The following AAK1 variants were observed in gnomAD, a reference collection of about 807,000 sequenced individuals.
AAK1 encodes the protein AP2 associated kinase 1.
In AAK1, 37 loss-of-function variants were observed where a neutral mutation model predicts 116.0. The ratio of observed to expected loss-of-function variants is 0.32; its 90% CI spans 0.25 to 0.42. The LOEUF is 0.42. Among genes scored for constraint, AAK1 ranks in the 10% least tolerant of loss-of-function variants. AAK1 has a pLI of 1.00. For synonymous variants in AAK1, 458 were observed against 439.9 expected (o/e 1.04, Z -0.51); for missense variants, 919 against 1,170.6 (o/e 0.79, Z 3.14).
At chr2:69,635,730 C>T (rs893353362) in intron 2 of AAK1, among the ~76,000 whole-genome samples, 1 of 152,074 alleles carries the variant, frequency 6.6e-6, no homozygotes, top group Admixed American at 6.5e-5. Context: ...AGGTATTCAA[C>T]GTAGTAAAAA....
At chr2:69,621,895 T>C (rs1256529344) in intron 2 of AAK1, among the ~76,000 whole-genome samples, 1 of 152,222 alleles carries the variant, frequency 6.6e-6, no homozygotes, top group East Asian at 1.9e-4. Context: ...CAAGGCCTGA[T>C]GTTACTGAGA....
intron 2 of AAK1, among the ~76,000 whole-genome samples, chr2:69,576,612 T>G (rs766890877): frequency 1.3e-5 from 2 of 152,222 alleles, no homozygotes; most frequent in African/African-American, 2.4e-5. Context: ...TTTCTGTTCC[T>G]GCATTAGTTT....
chr2:69,590,148 C>T (rs1672967044), intron 2 of AAK1, among the ~76,000 whole-genome samples: 1 of 152,186 alleles, frequency 6.6e-6, no homozygotes, highest in Non-Finnish European at 1.5e-5. Context: ...CATCCTCTTC[C>T]TCCAGCAGAA....
chr2:69,542,284 A>G (rs1670755096), intron 5 of AAK1, among the ~76,000 whole-genome samples: 1 of 152,344 alleles, frequency 6.6e-6, no homozygotes, highest in African/African-American at 2.4e-5. Flanking sequence ...AAAAACAAAA[A>G]CAACACAGGC....
At position 69,469,092 on chromosome 2, in the gene AAK1, GA is replaced by G; in HGVS notation, c.*6776del. 1.0e-6 allele frequency: 1 copy of G among 985,448 alleles called. No individual in the cohort carries two copies. The highest frequency in any genetic ancestry group is 4.7e-5 in the South Asian group (1 of 21,288). 61.0% of individuals were successfully genotyped at this position (985,448 alleles called of 1,614,324 possible). A position where few individuals can be genotyped will look rare whatever the true frequency, so the allele number is the denominator to read the frequency against. On this transcript the variant is annotated 3_prime_UTR_variant, in exon 22 of 22. Transcript: ENST00000409085. The stretch of plus-strand genomic sequence containing the variant: ...CTTTCAGCATCAACAGGCTTTGTAG[GA>G]ATGGAAAAGTACATTTAAAGGGTTG...
chr2:69,575,373 C>A (rs892747459), intron 2 of AAK1, among the ~76,000 whole-genome samples: 2 of 151,098 alleles, frequency 1.3e-5, no homozygotes, highest in African/African-American at 4.9e-5. Context: ...TAGAAAGGTG[C>A]CAAAAAATCT....
intron 13 of AAK1, among the ~76,000 whole-genome samples, chr2:69,512,488 T>C (rs1676429363): frequency 6.6e-6 from 1 of 152,204 alleles, no homozygotes; most frequent in South Asian, 2.1e-4. Flanking sequence ...GCTTCCAAAT[T>C]CTCTGGGCTA....
intron 17 of AAK1, among the ~76,000 whole-genome samples, chr2:69,493,153 C>A (rs1279561614): frequency 1.9e-4 from 6 of 31,728 alleles, no homozygotes; most frequent in African/African-American, 8.8e-4. Context: ...AGCGAGACTC[C>A]GTCTCAAAAA....
Position 69,514,678 on chromosome 2 carries a change from A to G in AAK1, c.1569T>C (p.Ser523=). The G allele has an allele frequency of 1.2e-6, 2 of 1,613,586 alleles. No homozygotes were observed. The highest frequency in any genetic ancestry group is 4.5e-5 in the East Asian group (2 of 44,892). ...AQFPVVSQGG[S]QQQLMQNFYQ... is the part of the protein sequence containing the mutation. ...AGAAATTCTGCATTAGCTGCTGTTG[A>G]GAGCCTCCTTGGGACACCACAGGGA... Residue 523 remains serine (S), a synonymous_variant, in exon 13 of 22, where the codon TCT becomes TCC. Transcript: ENST00000409085.
chr2:69,524,734 T>A (rs1476139357), intron 10 of AAK1, among the ~76,000 whole-genome samples: 1 of 152,136 alleles, frequency 6.6e-6, no homozygotes, highest in Non-Finnish European at 1.5e-5. Context: ...CGCCTGGCCG[T>A]ACTAGCAATA....
In AAK1 at chr2:69,579,698, G is replaced by A. The variant is rs545180599; in HGVS notation, c.164-22720C>T. ...CCACTTCTTGATCTCCTTTAGAGTT[G>A]TTCGTCTTCCTCCTGTTCCTTAATT... On this transcript the variant is annotated intron_variant, in intron 2 of 21. Coordinates refer to ENST00000409085, the MANE Select transcript of AAK1 (RefSeq NM_014911.5). Among the ~76,000 whole-genome samples the A allele has an allele frequency of 1.2e-4, 19 of 152,284 alleles. No individual in the cohort carries two copies. In the South Asian group the frequency reaches 3.9e-3, roughly 32 times the overall value.
Position 69,475,513 on chromosome 2 carries a change from G to T in AAK1, c.*356C>A. 9.7e-7 allele frequency: 1 copy of T among 1,035,462 alleles called. No individual in the cohort carries two copies. Among genetic ancestry groups the T allele is most frequent in the Middle Eastern group, 4.7e-4 (1 of 2,114 alleles). 64.1% of individuals were successfully genotyped at this position (1,035,462 alleles called of 1,614,324 possible). A position where few individuals can be genotyped will look rare whatever the true frequency, so the allele number is the denominator to read the frequency against. Reference sequence around the variant, plus strand: ...CTGGGAGGCCATTCCTAGCAAGAACGAGACAAAAGTGTCAATTCACTAGTT... The same window carrying T: ...CTGGGAGGCCATTCCTAGCAAGAACTAGACAAAAGTGTCAATTCACTAGTT... On this transcript the variant is annotated 3_prime_UTR_variant, in exon 22 of 22. Coordinates refer to ENST00000409085, the MANE Select transcript of AAK1 (RefSeq NM_014911.5).
chr2:69,477,410 TG>T (rs887881309), intron 20 of AAK1, among the ~76,000 whole-genome samples: 19 of 152,214 alleles, frequency 1.2e-4, no homozygotes, highest in African/African-American at 4.6e-4. Context: ...GGAAGAGAAT[TG>T]GTGGCTCTTT....
At chr2:69,557,427 G>A (rs1046076426) in intron 2 of AAK1, among the ~76,000 whole-genome samples, 8 of 151,202 alleles carry the variant, frequency 5.3e-5, no homozygotes, top group Non-Finnish European at 1.0e-4. Flanking sequence ...TCAGCCTCCC[G>A]AGTAGCTGGG....
At chr2:69,505,043 T>A (rs1051912503) in intron 16 of AAK1, among the ~76,000 whole-genome samples, 1 of 152,160 alleles carries the variant, frequency 6.6e-6, no homozygotes, top group Non-Finnish European at 1.5e-5. Context: ...CAAAGTCTCA[T>A]TTAAAAAAAC....
At position 69,475,939 on chromosome 2, in the gene AAK1, C is replaced by T; in HGVS notation, c.2816G>A (p.Gly939Glu). The T allele has an allele frequency of 6.2e-7, 1 of 1,612,278 alleles. No individual in the cohort carries two copies. Among genetic ancestry groups the T allele is most frequent in the Non-Finnish European group, 8.5e-7 (1 of 1,179,278 alleles). Residue 939 changes from glycine to glutamate, a missense_variant, in exon 22 of 22, where the codon GGG becomes GAG. Transcript: ENST00000409085. ...GTTGGGAAGACTGGACTCAGAGCTC[C>T]CACTGCTGTTTCTAGAGTGCCCACC... ...PQGGHSRNSSGSSESSLPNLA... is the reference protein window; with the variant it reads ...PQGGHSRNSSESSESSLPNLA...
At chr2:69,562,625 C>T (rs896915589) in intron 2 of AAK1, among the ~76,000 whole-genome samples, 1 of 152,184 alleles carries the variant, frequency 6.6e-6, no homozygotes, top group Non-Finnish European at 1.5e-5. Flanking sequence ...GACACGGTGG[C>T]TCATGTCTGT....
intron 2 of AAK1, among the ~76,000 whole-genome samples, chr2:69,565,031 C>T (rs1382248462): frequency 6.6e-6 from 1 of 152,220 alleles, no homozygotes; most frequent in Non-Finnish European, 1.5e-5. Context: ...AGAGCACAAA[C>T]CCAAATGCCT....
At chr2:69,515,483 G>C (rs1348797243) in intron 12 of AAK1, among the ~76,000 whole-genome samples, 1 of 151,734 alleles carries the variant, frequency 6.6e-6, no homozygotes, top group East Asian at 1.9e-4. Flanking sequence ...ACACTACCAT[G>C]CCTGGCTAAT....
Sources: allele counts gnomAD v4.1 joint callset (sites outside exome capture counted in the v4.1 genomes callset), GRCh38; gene constraint gnomAD v4.1.1; transcripts MANE v1.5; gene names NCBI Gene and HGNC (gene_info 2026-07-23, HGNC 2026-07-21).